Variants in DAGLA observed in about 807,000 individuals in gnomAD.
DAGLA encodes diacylglycerol lipase-alpha.
A neutral mutation model predicts 102.6 loss-of-function variants in DAGLA; 22 were observed. That is an observed-to-expected ratio of 0.21 (90% CI 0.15 to 0.31). DAGLA has a LOEUF of 0.31. Among genes scored for constraint, DAGLA ranks in the 10% least tolerant of loss-of-function variants. The pLI is 1.00. For synonymous variants in DAGLA, 578 were observed against 628.9 expected (o/e 0.92, Z 1.21); for missense variants, 927 against 1,446.6 (o/e 0.64, Z 5.83).
At chr11:61,708,619 G>A (rs1007381982) in intron 1 of DAGLA, among the ~76,000 whole-genome samples, 5 of 151,476 alleles carry the variant, frequency 3.3e-5, no homozygotes, top group Non-Finnish European at 5.9e-5. Flanking sequence ...TCCTGACGTC[G>A]TGATCCACCC....
chr11:61,694,590 T>A (rs2065049050), intron 1 of DAGLA, among the ~76,000 whole-genome samples: 1 of 152,220 alleles, frequency 6.6e-6, no homozygotes, highest in African/African-American at 2.4e-5. Context: ...CATCCTTTCC[T>A]GGCCAAAGCT....
Position 61,744,653 on chromosome 11 carries a change from CT to C in DAGLA, c.*166del, listed in dbSNP as rs2065521365. On this transcript the variant is annotated 3_prime_UTR_variant, in exon 20 of 20. Coordinates refer to ENST00000257215, the MANE Select transcript of DAGLA (RefSeq NM_006133.3). ...CTGGGGGTCCGCATCCCTACCTCAG[CT>C]TAGGACCCCCAGAGCCAAGGTGGCT... is the stretch of plus-strand genomic sequence containing the variant. 5.0e-6 allele frequency: 3 copies of C among 599,706 alleles called. No individual in the cohort carries two copies. The Admixed American group carries it at 1.0e-4, about 20-fold the overall frequency. 37.1% of individuals were successfully genotyped at this position (599,706 alleles called of 1,614,324 possible). A position where few individuals can be genotyped will look rare whatever the true frequency, so the allele number is the denominator to read the frequency against.
intron 1 of DAGLA, among the ~76,000 whole-genome samples, chr11:61,713,452 A>G (rs1251607420): frequency 2.6e-5 from 4 of 152,188 alleles, no homozygotes; most frequent in African/African-American, 9.7e-5. Context: ...CAATTCATAA[A>G]TGTTAGGAGA....
In DAGLA at chr11:61,744,034, C is replaced by T. The variant is rs771641156; in HGVS notation, c.2674C>T (p.Arg892Cys). 62 of 1,612,184 alleles carry T rather than the reference C, an allele frequency of 3.8e-5. No homozygotes were observed. Among genetic ancestry groups the T allele is most frequent in the Admixed American group, 3.5e-4 (21 of 59,980 alleles). ...CGGTGGGGGTGGCGGGCCGGCCTCC[C>T]GCGGGGAGCTGGCGCTGCACAATGG... ...VGGGGGGPAS[R>C]GELALHNGRL... The change falls in exon 20 of 20, where the codon CGC (arginine) becomes TGC (cysteine). Residue 892 changes from arginine (R) to cysteine (C), a missense_variant. Coordinates refer to ENST00000257215, the MANE Select transcript of DAGLA (RefSeq NM_006133.3).
At chr11:61,681,524 G>A (rs138417087) in intron 1 of DAGLA, among the ~76,000 whole-genome samples, 449 of 152,244 alleles carry the variant, frequency 2.9e-3, no homozygotes, top group Non-Finnish European at 4.8e-3. Flanking sequence ...GTGGTATGGC[G>A]CACCATCTAT....
At chr11:61,680,577 A>G (rs1412950334) in intron 1 of DAGLA, 73 bp downstream of exon 1, 1 of 149,528 alleles carries the variant, frequency 6.7e-6, no homozygotes, top group African/African-American at 2.4e-5. Flanking sequence ...CGGGCTGGGC[A>G]GTGTCCAGGG....
intron 1 of DAGLA, among the ~76,000 whole-genome samples, chr11:61,693,933 C>G (rs2065044365): frequency 6.6e-6 from 1 of 152,252 alleles, no homozygotes; most frequent in Admixed American, 6.5e-5. Flanking sequence ...GGGGAGGGGA[C>G]AGCTGAGAGG....
At chr11:61,743,349 C>A (rs1350409312) in intron 19 of DAGLA, among the ~76,000 whole-genome samples, 183 bp from the exon 20 acceptor site, 2 of 142,866 alleles carry the variant, frequency 1.4e-5, no homozygotes, top group Non-Finnish European at 1.5e-5. Context: ...GGCGACAGAG[C>A]GAGACTCTGT....
rs2065416431 is a variant in DAGLA, at chr11:61,735,635, G to C, written c.1203G>C (p.Leu401=). The change falls in exon 11 of 20, where the codon CTG becomes CTC. Residue 401 remains leucine, a synonymous_variant. Coordinates refer to ENST00000257215, the MANE Select transcript of DAGLA (RefSeq NM_006133.3). ...TGGTGATCAGTATCCGGGGGACCCT[G>C]TCCCCCAAGGTACGCTGCCCATGGC... ...KKVVISIRGT[L]SPKDALTDLT... The C allele has an allele frequency of 6.2e-7, 1 of 1,613,918 alleles. No homozygotes were observed. The highest frequency in any genetic ancestry group is 1.7e-5 in the Admixed American group (1 of 59,998).
At chr11:61,680,541 G>A (rs1314279705) in intron 1 of DAGLA, 37 bp downstream of exon 1, 1 of 149,262 alleles carries the variant, frequency 6.7e-6, no homozygotes, top group African/African-American at 2.4e-5. Context: ...CCGGTCCTGG[G>A]CGCGGGCGCG....
At chr11:61,682,075 G>T (rs1411320563) in intron 1 of DAGLA, among the ~76,000 whole-genome samples, 3 of 139,024 alleles carry the variant, frequency 2.2e-5, no homozygotes, top group Non-Finnish European at 1.6e-5. Context: ...GCCAAGGTGG[G>T]TGCTTGGAGA....
chr11:61,713,662 C>T (rs781592724), intron 1 of DAGLA, among the ~76,000 whole-genome samples: 10 of 152,210 alleles, frequency 6.6e-5, no homozygotes, highest in Non-Finnish European at 1.5e-4. Flanking sequence ...GCCAGCCCAG[C>T]GAGGCCAGAC....
intron 1 of DAGLA, among the ~76,000 whole-genome samples, chr11:61,698,583 T>C (rs1241074073): frequency 6.6e-6 from 1 of 152,190 alleles, no homozygotes; most frequent in Admixed American, 6.5e-5. Flanking sequence ...CCCACCTGCT[T>C]CCCTGGGGAA....
chr11:61,725,032 A>G (rs2065313377), intron 5 of DAGLA, among the ~76,000 whole-genome samples: 1 of 152,126 alleles, frequency 6.6e-6, no homozygotes, highest in Admixed American at 6.5e-5. Flanking sequence ...AGGCTCAAAA[A>G]GGGCCTGGCC....
chr11:61,713,465 C>T (rs985649230), intron 1 of DAGLA, among the ~76,000 whole-genome samples: 8 of 152,142 alleles, frequency 5.3e-5, no homozygotes, highest in Admixed American at 1.3e-4. Flanking sequence ...TTAGGAGAAC[C>T]GAAGCAGCCC....
At position 61,744,190 on chromosome 11, in the gene DAGLA, A is replaced by G; in HGVS notation, c.2830A>G (p.Ser944Gly). The change falls in exon 20 of 20, where the codon AGT becomes GGT. Residue 944 changes from serine to glycine, a missense_variant. Coordinates refer to ENST00000257215, the MANE Select transcript of DAGLA (RefSeq NM_006133.3). Reference sequence around the variant, plus strand: ...CATGGTGGTGCCCGAGAGCCCCACCAGTGACTACGCTGAGGGCCCCAAGTC... The same window carrying G: ...CATGGTGGTGCCCGAGAGCCCCACCGGTGACTACGCTGAGGGCCCCAAGTC... ...YCMVVPESPTSDYAEGPKSPS... is the reference protein window; with the variant it reads ...YCMVVPESPTGDYAEGPKSPS... 1 of 1,612,978 alleles carries G rather than the reference A, an allele frequency of 6.2e-7. No individual in the cohort carries two copies. Among genetic ancestry groups the G allele is most frequent in the Non-Finnish European group, 8.5e-7 (1 of 1,179,956 alleles).
chr11:61,706,650 C>T (rs2065152384), intron 1 of DAGLA, among the ~76,000 whole-genome samples: 4 of 152,214 alleles, frequency 2.6e-5, no homozygotes, highest in African/African-American at 7.2e-5. Context: ...TTTATAGCAG[C>T]CGGCGGCCAC....
chr11:61,715,943 G>C (rs906317906), intron 1 of DAGLA, among the ~76,000 whole-genome samples: 5 of 152,262 alleles, frequency 3.3e-5, no homozygotes, highest in Middle Eastern at 3.4e-3. Context: ...TCTAGCCAGA[G>C]GGGGGGGAGA....
chr11:61,731,661 C>T (rs1172307501), intron 9 of DAGLA, among the ~76,000 whole-genome samples: 1 of 152,214 alleles, frequency 6.6e-6, no homozygotes, highest in Admixed American at 6.5e-5. Context: ...TTGTCACTTG[C>T]AGCCTGGGGC....
Sources: gnomAD v4.1 joint callset for allele counts (sites outside exome capture counted in the v4.1 genomes callset) on GRCh38, gnomAD v4.1.1 for gene constraint, MANE v1.5 for transcripts, NCBI Gene and HGNC (gene_info 2026-07-23, HGNC 2026-07-21) for gene names.